Variants in ADGRF4 observed in about 807,000 individuals in gnomAD.
ADGRF4 encodes adhesion G protein-coupled receptor F4.
ADGRF4 carries 63 observed loss-of-function variants against 58.5 expected under a neutral mutation model. That is an observed-to-expected ratio of 1.08 (90% CI 0.88 to 1.33). The LOEUF (loss-of-function observed/expected upper bound fraction) is 1.33. Among genes scored for constraint, ADGRF4 ranks in the 40% most tolerant of loss-of-function variants. The pLI, the probability that ADGRF4 is intolerant of heterozygous loss-of-function variation, is 0.00. For synonymous variants in ADGRF4, 313 were observed against 295.4 expected (o/e 1.06, Z -0.61); for missense variants, 931 against 843.9 (o/e 1.10, Z -1.28).
At chr6:47,720,366 G>A (rs913750) in intron 9 of ADGRF4, among the ~76,000 whole-genome samples, 14 of 151,902 alleles carry the variant, frequency 9.2e-5, no homozygotes, top group Non-Finnish European at 1.9e-4. Flanking sequence ...GGCTGACATG[G>A]TCTCAGGAGG....
intron 4 of ADGRF4, 116 bp downstream of exon 4, chr6:47,711,002 T>A (rs1189530538): frequency 6.3e-6 from 6 of 951,872 alleles, no homozygotes; most frequent in Admixed American, 2.9e-5. Flanking sequence ...CTTAGAAAAA[T>A]CTACAGAATG....
chr6:47,719,716 C>G (rs1158605151), intron 9 of ADGRF4, among the ~76,000 whole-genome samples: 1 of 152,150 alleles, frequency 6.6e-6, no homozygotes, highest in East Asian at 1.9e-4. Context: ...AAGGCCTTAT[C>G]TCCACCTGGT....
At position 47,714,826 on chromosome 6, in the gene ADGRF4, G is replaced by T; in HGVS notation, c.1581G>T (p.Leu527Phe). 1 of 1,612,770 alleles carries T rather than the reference G, an allele frequency of 6.2e-7. No homozygotes were observed. The highest frequency in any genetic ancestry group is 1.1e-5 in the South Asian group (1 of 91,074). Reference sequence around the variant, plus strand: ...TTGCCATTGGCTATGGGTGCCCATTGATCATTGCTGTCACTACAGTTGCTA... The same window carrying T: ...TTGCCATTGGCTATGGGTGCCCATTTATCATTGCTGTCACTACAGTTGCTA... Reference protein sequence around the residue: ...IGFAIGYGCPLIIAVTTVAIT... With the variant: ...IGFAIGYGCPFIIAVTTVAIT... The change falls in exon 6 of 10, where the codon TTG becomes TTT. Residue 527 changes from leucine (L) to phenylalanine (F), a missense_variant. Leu to Phe is a conservative substitution (Grantham distance 22). Transcript: ENST00000283303.
chr6:47,714,903 G>A lies in ADGRF4; in HGVS notation c.1658G>A (p.Trp553Ter). 1 of 1,611,642 alleles carries A rather than the reference G, an allele frequency of 6.2e-7. No homozygotes were observed. Among genetic ancestry groups the A allele is most frequent in the South Asian group, 1.1e-5 (1 of 91,052 alleles). Residue 553 changes from tryptophan to a stop codon, truncating the protein, a stop_gained, in exon 6 of 10, where the codon TGG becomes TAG. Coordinates refer to ENST00000283303, the MANE Select transcript of ADGRF4 (RefSeq NM_153838.5). LOFTEE classifies it high-confidence loss of function. ...AGACCTGAGGCCTGTTGGCTTAACT[G>A]GGACAATACCAAAGCCCTTTTAGCA... ...YMRPEACWLN[W>*]DNTKALLAFA...
intron 7 of ADGRF4, 39 bp from the exon 8 acceptor site, chr6:47,717,250 CCAA>C (rs757235546): frequency 3.8e-5 from 54 of 1,409,858 alleles, no homozygotes; most frequent in Non-Finnish European, 5.2e-5. Flanking sequence ...GTTGTTTCTT[CCAA>C]CATCTGTGAG....
intron 1 of ADGRF4, among the ~76,000 whole-genome samples, chr6:47,704,071 C>T (rs1361898305): frequency 1.3e-4 from 20 of 149,044 alleles, no homozygotes; most frequent in Non-Finnish European, 1.8e-4. Flanking sequence ...TTTTTTGAGA[C>T]GGAGTTTTGC....
chr6:47,708,565 G>A (rs1005140231), intron 3 of ADGRF4, among the ~76,000 whole-genome samples: 2 of 152,216 alleles, frequency 1.3e-5, no homozygotes, highest in African/African-American at 4.8e-5. Flanking sequence ...TGAGTTAACA[G>A]GAGGCAGAAA....
intron 1 of ADGRF4, among the ~76,000 whole-genome samples, chr6:47,699,933 AC>A (rs35874700): frequency 0.28 from 37,977 of 135,352 alleles, 5,441 homozygotes; most frequent in East Asian, 0.57. Flanking sequence ...CAGACGACAC[AC>A]CCCCCCCCCC....
chr6:47,705,339 A>G (rs927586264), intron 1 of ADGRF4, among the ~76,000 whole-genome samples: 1 of 152,236 alleles, frequency 6.6e-6, no homozygotes. Context: ...TTAAGCATCT[A>G]TCTTGGACAA....
At position 47,714,065 on chromosome 6, in the gene ADGRF4, C is replaced by T. The variant is rs762342065; in HGVS notation, c.820C>T (p.Gln274Ter). 4 of 1,613,856 alleles carry T rather than the reference C, an allele frequency of 2.5e-6. No individual in the cohort carries two copies. Among genetic ancestry groups the T allele is most frequent in the Non-Finnish European group, 3.4e-6 (4 of 1,179,982 alleles). The stretch of plus-strand genomic sequence containing the variant: ...CACAGAAGATATCTTAGGAATGGTA[C>T]AGATTCCCAGGCAAGAGCTAAGGAA... ...NTTEDILGMV[Q>*]IPRQELRKLW... The change falls in exon 6 of 10, where the codon CAG becomes TAG. Residue 274 changes from glutamine (Q) to a stop codon, truncating the protein, a stop_gained. Coordinates refer to ENST00000283303, the MANE Select transcript of ADGRF4 (RefSeq NM_153838.5). LOFTEE classifies it high-confidence loss of function.
At chr6:47,707,144 A>G in intron 1 of ADGRF4, 86 bp from the exon 2 acceptor site, 1 of 781,240 alleles carries the variant, frequency 1.3e-6, no homozygotes, top group Non-Finnish European at 2.3e-6. Context: ...TAGTGGGTTC[A>G]CTAAGGGGTT....
chr6:47,714,935 A>C lies in ADGRF4; in HGVS notation c.1690A>C (p.Ile564Leu), dbSNP rs115905128. 16 of 1,613,576 alleles carry C rather than the reference A, an allele frequency of 9.9e-6. No homozygotes were observed. The highest frequency in any genetic ancestry group is 1.4e-5 in the Non-Finnish European group (16 of 1,179,624). Residue 564 changes from isoleucine (I) to leucine (L), a missense_variant, in exon 6 of 10, where the codon ATC (isoleucine) becomes CTC (leucine). By Grantham distance (5) the Ile-to-Leu change is conservative. Transcript: ENST00000283303. ...TACCAAAGCCCTTTTAGCATTTGCCATCCCGGCGTTCGTCATTGTGGCTGT... is the reference window on the plus strand; with the variant it reads ...TACCAAAGCCCTTTTAGCATTTGCCCTCCCGGCGTTCGTCATTGTGGCTGT... ...DNTKALLAFA[I>L]PAFVIVAVNL...
Position 47,718,409 on chromosome 6 carries a change from C to G in ADGRF4, c.2055C>G (p.Thr685=). 2 of 1,576,262 alleles carry G rather than the reference C, an allele frequency of 1.3e-6. No individual in the cohort carries two copies. Among genetic ancestry groups the G allele is most frequent in the East Asian group, 4.5e-5 (2 of 44,690 alleles). Residue 685 remains threonine (T), a synonymous_variant, in exon 9 of 10, where the codon ACC becomes ACG. Transcript: ENST00000283303. ...RAAENASLGP[T]NGSKLMNRQG ...CTTAGAATGCATCACTAGGCCCAAC[C>G]AATGGATCTAAATTAATGAATCGTC...
intron 3 of ADGRF4, among the ~76,000 whole-genome samples, chr6:47,709,654 G>T (rs1771811171): frequency 6.6e-6 from 1 of 152,148 alleles, no homozygotes; most frequent in African/African-American, 2.4e-5. Context: ...GCCTAATGCT[G>T]AAATTTATTT....
chr6:47,710,650 C>T, intron 3 of ADGRF4, 85 bp from the exon 4 acceptor site: 1 of 1,412,542 alleles, frequency 7.1e-7, no homozygotes, highest in Non-Finnish European at 9.6e-7. Flanking sequence ...CCAAAAATCT[C>T]CAGAATGAAT....
chr6:47,713,191 ATG>A (rs1342771292), intron 5 of ADGRF4, among the ~76,000 whole-genome samples: 1 of 152,218 alleles, frequency 6.6e-6, no homozygotes, highest in Non-Finnish European at 1.5e-5. Context: ...CCCAGAGTCC[ATG>A]GAAAAATTGT....
chr6:47,718,551 G>C, intron 9 of ADGRF4, 106 bp downstream of exon 9: 1 of 740,968 alleles, frequency 1.3e-6, no homozygotes, highest in South Asian at 1.5e-5. Flanking sequence ...AGAATGAGGT[G>C]GGAGGGGAAG....
chr6:47,710,970 G>T, intron 4 of ADGRF4, 84 bp downstream of exon 4: 1 of 1,316,686 alleles, frequency 7.6e-7, no homozygotes, highest in Middle Eastern at 2.1e-4. Context: ...TGTTCAGCAT[G>T]ACAAAAAGTC....
chr6:47,707,169 G>C (rs1188867450), intron 1 of ADGRF4, 61 bp from the exon 2 acceptor site: 3 of 907,172 alleles, frequency 3.3e-6, no homozygotes, highest in African/African-American at 1.6e-5. Context: ...AGCCGGATAA[G>C]TATTGTTAGT....
Sources: gnomAD v4.1 joint callset for allele counts (sites outside exome capture counted in the v4.1 genomes callset) on GRCh38, gnomAD v4.1.1 for gene constraint, MANE v1.5 for transcripts, NCBI Gene and HGNC (gene_info 2026-07-23, HGNC 2026-07-21) for gene names.